The following RAF1 variants were observed in gnomAD, a reference collection of about 807,000 sequenced individuals.
RAF1 encodes the protein RAF proto-oncogene serine/threonine-protein kinase.
RAF1 carries 27 observed loss-of-function variants against 81.1 expected under a neutral mutation model. That is an observed-to-expected ratio of 0.33 (90% CI 0.25 to 0.46). The LOEUF is 0.46. Ranked by LOEUF, RAF1 falls within the 20% of genes least tolerant of loss-of-function variation. The pLI, the probability that RAF1 is intolerant of heterozygous loss-of-function variation, is 1.00. For synonymous variants in RAF1, 298 were observed against 294.0 expected, an observed-to-expected ratio of 1.01 and a Z score of -0.14; for missense variants, 598 against 826.0, an observed-to-expected ratio of 0.72 and a Z score of 3.38.
chr3:12,615,690 G>A (rs1443912874), intron 2 of RAF1, among the ~76,000 whole-genome samples: 2 of 152,202 alleles, frequency 1.3e-5, no homozygotes, highest in Non-Finnish European at 2.9e-5. Context: ...GTCAAGCTTG[G>A]CTTCCAACCA....
intron 1 of RAF1, among the ~76,000 whole-genome samples, chr3:12,637,719 G>A (rs1407635638): frequency 1.3e-5 from 2 of 151,598 alleles, no homozygotes; most frequent in East Asian, 4.0e-4. Flanking sequence ...CAGGTGTAGT[G>A]GCACACACCT....
intron 1 of RAF1, among the ~76,000 whole-genome samples, chr3:12,655,747 G>C (rs548499885): frequency 6.6e-6 from 1 of 152,088 alleles, no homozygotes; most frequent in African/African-American, 2.4e-5. Flanking sequence ...CCATAAAAAG[G>C]AATAAAATAC....
At chr3:12,648,649 G>C (rs991780582) in intron 1 of RAF1, among the ~76,000 whole-genome samples, 2 of 152,104 alleles carry the variant, frequency 1.3e-5, no homozygotes, top group Non-Finnish European at 2.9e-5. Flanking sequence ...AGATGGCTGA[G>C]GCACGAGAAT....
intron 7 of RAF1, among the ~76,000 whole-genome samples, chr3:12,603,926 A>C (rs1285660911): frequency 6.6e-6 from 1 of 152,160 alleles, no homozygotes; most frequent in Admixed American, 6.5e-5. Flanking sequence ...TTTTTTCAGG[A>C]AGTTTTAGTT....
intron 2 of RAF1, 139 bp downstream of exon 2, chr3:12,618,376 T>C (rs917136031): frequency 1.2e-6 from 1 of 869,022 alleles, no homozygotes; most frequent in Non-Finnish European, 1.8e-6. Context: ...TATAAAAAAA[T>C]AAATCTGCAG....
chr3:12,631,825 T>C (rs1363130945), intron 1 of RAF1, among the ~76,000 whole-genome samples: 1 of 152,116 alleles, frequency 6.6e-6, no homozygotes, highest in South Asian at 2.1e-4. Flanking sequence ...CTAATTCACA[T>C]GTAGAAGTTT....
Position 12,591,789 on chromosome 3 carries a change from T to C in RAF1, c.1172A>G (p.Asp391Gly). The C allele has an allele frequency of 6.2e-7, 1 of 1,613,514 alleles. No individual in the cohort carries two copies. Among genetic ancestry groups the C allele is most frequent in the Non-Finnish European group, 8.5e-7 (1 of 1,179,432 alleles). The change falls in exon 12 of 18, where the codon GAT becomes GGT. Residue 391 changes from aspartate (D) to glycine (G), a missense_variant. By Grantham distance (94) the Asp-to-Gly change is moderately conservative (BLOSUM62 -1). Transcript: ENST00000442415. ...AACCTTTAGGATCTTTACTGCAACA[T>C]CTCCTGCAAAATTAGTTGGCAGTCA...
chr3:12,617,364 C>T (rs2059401144), intron 2 of RAF1, among the ~76,000 whole-genome samples: 1 of 152,156 alleles, frequency 6.6e-6, no homozygotes, highest in African/African-American at 2.4e-5. Context: ...ATGAGCTGGC[C>T]TCAGCCTCCC....
At chr3:12,603,397 C>T (rs2125393566) in intron 8 of RAF1, 1 of 579,632 alleles carries the variant, frequency 1.7e-6, no homozygotes, top group Non-Finnish European at 3.1e-6. Flanking sequence ...GCAACTATTT[C>T]ATTTTTGGTA....
At position 12,614,897 on chromosome 3, in the gene RAF1, C is replaced by T. The variant is rs181733843; in HGVS notation, c.208-2835G>A. Among the ~76,000 whole-genome samples, 82 of 152,298 alleles carry T rather than the reference C, an allele frequency of 5.4e-4. 3 individuals carry two copies. The highest frequency in any genetic ancestry group is 1.7e-3 in the African/African-American group (69 of 41,580). ...GAGTAATAAACATACCTAACGGAATCATGACCTGCATCAAATACTGTATAG... is the reference window on the plus strand; with the variant it reads ...GAGTAATAAACATACCTAACGGAATTATGACCTGCATCAAATACTGTATAG... On this transcript the variant is annotated intron_variant, in intron 2 of 17. Coordinates refer to ENST00000442415, the MANE Select transcript of RAF1 (RefSeq NM_001354689.3).
In RAF1 at chr3:12,584,425, T is replaced by A. The variant is rs1364467711; in HGVS notation, c.*89A>T. 1 of 1,538,980 alleles carries A rather than the reference T, an allele frequency of 6.5e-7. No individual in the cohort carries two copies. Among genetic ancestry groups the A allele is most frequent in the Non-Finnish European group, 9.0e-7 (1 of 1,115,632 alleles). On this transcript the variant is annotated 3_prime_UTR_variant, in exon 18 of 18. Coordinates refer to ENST00000442415, the MANE Select transcript of RAF1 (RefSeq NM_001354689.3). ...TAGCAGCAGCTTCTCTGAAAACATG[T>A]GTTCTGCCTCTGGAGAAAGGGAGCA...
intron 1 of RAF1, among the ~76,000 whole-genome samples, chr3:12,651,399 C>T (rs113183098): frequency 2.0e-5 from 3 of 151,894 alleles, no homozygotes; most frequent in African/African-American, 7.3e-5. Context: ...TTTGGGAGGC[C>T]GAGGAGGGTG....
In RAF1 at chr3:12,608,123, C is replaced by T. The variant is rs544239729; in HGVS notation, c.581+643G>A. The stretch of plus-strand genomic sequence containing the variant: ...TAACACTCCCTTGGTTTCTCTAGTA[C>T]TGTCAAAAAAGGACAAAACTTTTAA... On this transcript the variant is annotated intron_variant, in intron 5 of 17. Coordinates refer to ENST00000442415, the MANE Select transcript of RAF1 (RefSeq NM_001354689.3). Among the ~76,000 whole-genome samples, 23 of 152,150 alleles carry T rather than the reference C, an allele frequency of 1.5e-4. No individual in the cohort carries two copies. The East Asian group carries it at 3.9e-3, about 26-fold the overall frequency.
intron 1 of RAF1, among the ~76,000 whole-genome samples, chr3:12,630,104 TAA>T (rs930526590): frequency 3.3e-5 from 5 of 152,130 alleles, no homozygotes; most frequent in Non-Finnish European, 5.9e-5. Context: ...TTACTTACAA[TAA>T]AACAAAAACT....
At chr3:12,631,443 G>A (rs1172528707) in intron 1 of RAF1, among the ~76,000 whole-genome samples, 4 of 116,964 alleles carry the variant, frequency 3.4e-5, no homozygotes, top group African/African-American at 8.5e-5. Context: ...CTAAAAATAC[G>A]AAAAAATTAG....
At chr3:12,631,618 A>G (rs2059863490) in intron 1 of RAF1, among the ~76,000 whole-genome samples, 2 of 152,146 alleles carry the variant, frequency 1.3e-5, no homozygotes, top group Admixed American at 1.3e-4. Flanking sequence ...ACAAAACAAA[A>G]CACAATTGTT....
At chr3:12,595,457 A>G (rs1026804705) in intron 11 of RAF1, among the ~76,000 whole-genome samples, 10 of 152,148 alleles carry the variant, frequency 6.6e-5, no homozygotes, top group Admixed American at 6.6e-4. Context: ...CTCATTTTCA[A>G]ACAAAGGCTT....
intron 2 of RAF1, among the ~76,000 whole-genome samples, chr3:12,612,694 A>G (rs1396707472): frequency 6.6e-6 from 1 of 152,042 alleles, no homozygotes; most frequent in African/African-American, 2.4e-5. Flanking sequence ...TATGTTATAC[A>G]AGTGGAAAGA....
chr3:12,587,833 A>T (rs2058374590), intron 13 of RAF1, 196 bp from the exon 13 acceptor site: 3 of 248,730 alleles, frequency 1.2e-5, no homozygotes, highest in South Asian at 3.7e-5. Flanking sequence ...AAACATGCTT[A>T]CACCTTTTTT....
Sources: allele counts gnomAD v4.1 joint callset (sites outside exome capture counted in the v4.1 genomes callset), GRCh38; gene constraint gnomAD v4.1.1; transcripts MANE v1.5; gene names NCBI Gene and HGNC (gene_info 2026-07-23, HGNC 2026-07-21).